ZNF155: variants seen among roughly 807,000 people sequenced by gnomAD.
ZNF155 encodes the protein KRAB A domain.
Under a neutral mutation model 11.9 loss-of-function variants are expected in ZNF155, and 15 were observed. That is an observed-to-expected ratio of 1.26 (90% CI 0.84 to 1.94). The LOEUF (loss-of-function observed/expected upper bound fraction) is 1.94. Ranked by LOEUF, ZNF155 falls within the 30% of genes most tolerant of loss-of-function variation. ZNF155 has a pLI of 0.00. For missense variants in ZNF155, 602 were observed against 639.1 expected, an observed-to-expected ratio of 0.94 and a Z score of 0.63; for synonymous variants, 212 against 219.9, an observed-to-expected ratio of 0.96 and a Z score of 0.32.
In ZNF155 at chr19:43,984,191, G is replaced by T. The variant is rs1279456622; in HGVS notation, c.-140G>T. On this transcript the variant is annotated 5_prime_UTR_variant, in exon 1 of 5. Coordinates refer to ENST00000270014, the MANE Select transcript of ZNF155 (RefSeq NM_198089.3). ...TAGTCCAGACGCCTGTGGCATCATC[G>T]ACACTTCCGGTCTCCGAGCAGGACA... The T allele has an allele frequency of 6.6e-6, 1 of 152,076 alleles. No homozygotes were observed. The highest frequency in any genetic ancestry group is 2.0e-4 in the East Asian group (1 of 5,092). The allele number at this position is 152,076 out of a possible 1,614,324, so 9.4% of individuals were successfully genotyped here.
At position 43,997,323 on chromosome 19, in the gene ZNF155, G is replaced by T. The variant is rs1354435491; in HGVS notation, c.1466G>T (p.Cys489Phe). 2 of 1,614,066 alleles carry T rather than the reference G, an allele frequency of 1.2e-6. No homozygotes were observed. The highest frequency in any genetic ancestry group is 1.7e-6 in the Non-Finnish European group (2 of 1,180,036). The stretch of plus-strand genomic sequence containing the variant: ...AAAAAACCATTCAAATGTGAGGACT[G>T]TGGAAAGAGGCTTGTACACAGGACA... ...CQKKPFKCED[C>F]GKRLVHRTYR... The change falls in exon 5 of 5, where the codon TGT becomes TTT. Residue 489 changes from cysteine (C) to phenylalanine (F), a missense_variant. By Grantham distance (205) the Cys-to-Phe change is radical. Transcript: ENST00000270014.
intron 2 of ZNF155, among the ~76,000 whole-genome samples, chr19:43,989,646 G>A (rs2147381302): frequency 6.6e-6 from 1 of 152,250 alleles, no homozygotes. Flanking sequence ...GCTCCTCCCT[G>A]TCCCTACTTG....
intron 4 of ZNF155, among the ~76,000 whole-genome samples, chr19:43,995,098 G>A (rs539873745): frequency 6.6e-6 from 1 of 151,012 alleles, no homozygotes; most frequent in East Asian, 2.0e-4. Context: ...CCTCTTTTTG[G>A]TTAGGTTAAC....
Position 43,997,375 on chromosome 19 carries a change from T to C in ZNF155, c.1518T>C (p.Tyr506=), listed in dbSNP as rs753334756. 3 of 1,613,636 alleles carry C rather than the reference T, an allele frequency of 1.9e-6. No homozygotes were observed. Among genetic ancestry groups the C allele is most frequent in the Non-Finnish European group, 2.5e-6 (3 of 1,179,734 alleles). ...ACCGTAAAGACCAGCCGAGAGACTA[T>C]AGTGGGGAAAACCCATCCAAATGTG... The part of the protein sequence containing the change: ...RTYRKDQPRD[Y]SGENPSKCED... The change falls in exon 5 of 5, where the codon TAT becomes TAC. Residue 506 remains tyrosine (Y), a synonymous_variant. Transcript: ENST00000270014.
rs1387813367 is a variant in ZNF155, at chr19:43,996,075, A to G, written c.236-18A>G. The G allele has an allele frequency of 1.3e-6, 2 of 1,577,420 alleles. No homozygotes were observed. Among genetic ancestry groups the G allele is most frequent in the African/African-American group, 2.7e-5 (2 of 73,856 alleles). The stretch of plus-strand genomic sequence containing the variant: ...AAGGCTTCACCTGTACACATCTCTT[A>G]AATCTGTGTCTTTATAGGAGGCAAG... On this transcript the variant is annotated intron_variant, in intron 4 of 4. Coordinates refer to ENST00000270014, the MANE Select transcript of ZNF155 (RefSeq NM_198089.3).
At chr19:43,993,449 C>T (rs889013022) in intron 4 of ZNF155, among the ~76,000 whole-genome samples, 4 of 152,066 alleles carry the variant, frequency 2.6e-5, no homozygotes, top group African/African-American at 7.2e-5. Flanking sequence ...CAGTTTCGCT[C>T]GTCACCCAGC....
intron 1 of ZNF155, among the ~76,000 whole-genome samples, chr19:43,985,026 T>TA (rs996636617): frequency 5.3e-5 from 8 of 152,068 alleles, no homozygotes; most frequent in Admixed American, 1.3e-4. Flanking sequence ...TTTCTCTTTT[T>TA]AAAAAAAAGT....
Position 43,986,727 on chromosome 19 carries a change from G to C in ZNF155, c.-85-1732G>C, listed in dbSNP as rs368178573. 3.0e-4 allele frequency among the ~76,000 whole-genome samples: 46 copies of C among 152,246 alleles called. No homozygotes were observed. In the East Asian group the frequency reaches 7.0e-3, roughly 23 times the overall value. ...GCCTCCCAAAGTGCTGAGATTACAG[G>C]TGTGAGCCACGGCGCCCAGCCCCCA... is the stretch of plus-strand genomic sequence containing the variant. On this transcript the variant is annotated intron_variant, in intron 1 of 4. Transcript: ENST00000270014.
In ZNF155 at chr19:43,996,347, G is replaced by A; in HGVS notation, c.490G>A (p.Asp164Asn). ...GTCCATCAGTGATGTTCCCATCTTT[G>A]ATCTTCCTCAGCAGTTATACTCAGA... is the stretch of plus-strand genomic sequence containing the variant. Reference protein sequence around the residue: ...KQSISDVPIFDLPQQLYSEEK... With the variant: ...KQSISDVPIFNLPQQLYSEEK... The change falls in exon 5 of 5, where the codon GAT becomes AAT. Residue 164 changes from aspartate to asparagine, a missense_variant. Physicochemically the swap from Asp to Asn is conservative, Grantham distance 23 (BLOSUM62 1). Transcript: ENST00000270014. 1 of 1,614,156 alleles carries A rather than the reference G, an allele frequency of 6.2e-7. No individual in the cohort carries two copies. The highest frequency in any genetic ancestry group is 8.5e-7 in the Non-Finnish European group (1 of 1,180,034).
rs756524005 is a variant in ZNF155, at chr19:43,996,735, G to A, written c.878G>A (p.Cys293Tyr). The change falls in exon 5 of 5, where the codon TGT becomes TAT. Residue 293 changes from cysteine (C) to tyrosine (Y), a missense_variant. Physicochemically the swap from Cys to Tyr is radical, Grantham distance 194 (BLOSUM62 -2). Transcript: ENST00000270014. Reference sequence around the variant, plus strand: ...GAGAAACCATTCAAATGTGATATATGTGGTAAGACCTTCTATTTTAGGTCA... The same window carrying A: ...GAGAAACCATTCAAATGTGATATATATGGTAAGACCTTCTATTTTAGGTCA... Reference protein sequence around the residue: ...TGEKPFKCDICGKTFYFRSRL... With the variant: ...TGEKPFKCDIYGKTFYFRSRL... 2.0e-5 allele frequency: 33 copies of A among 1,614,042 alleles called. No homozygotes were observed. The highest frequency in any genetic ancestry group is 7.6e-6 in the Non-Finnish European group (9 of 1,180,026).
At position 43,996,997 on chromosome 19, in the gene ZNF155, C is replaced by T. The variant is rs375712721; in HGVS notation, c.1140C>T (p.Ser380=). 7.4e-6 allele frequency: 12 copies of T among 1,614,000 alleles called. No individual in the cohort carries two copies. The African/African-American group carries it at 1.5e-4, about 20-fold the overall frequency. Reference sequence around the variant, plus strand: ...ATAATTGTAAAGAATGTGGGAAGAGCTTCAGATGGTCCTCATGCCTTTTGA... The same window carrying T: ...ATAATTGTAAAGAATGTGGGAAGAGTTTCAGATGGTCCTCATGCCTTTTGA... ...KPYNCKECGK[S]FRWSSCLLNH... The change falls in exon 5 of 5, where the codon AGC becomes AGT. Residue 380 remains serine, a synonymous_variant. Transcript: ENST00000270014.
chr19:43,989,996 T>C lies in ZNF155; in HGVS notation c.15+1438T>C, dbSNP rs1042311480. ...TCATTTGTAATCAAATAAGTGAGAATAATAGAATGATTTGTTCCCCAAATC... is the reference window on the plus strand; with the variant it reads ...TCATTTGTAATCAAATAAGTGAGAACAATAGAATGATTTGTTCCCCAAATC... On this transcript the variant is annotated intron_variant, in intron 2 of 4. Transcript: ENST00000270014. 4.4e-5 allele frequency: 60 copies of C among 1,371,752 alleles called. No homozygotes were observed. In the South Asian group the frequency reaches 8.8e-4, roughly 20 times the overall value. The allele number at this position is 1,371,752 out of a possible 1,614,324, so 85.0% of individuals were successfully genotyped here. A position where few individuals can be genotyped will look rare whatever the true frequency, so the allele number is the denominator to read the frequency against.
chr19:43,987,818 A>T (rs1975514701), intron 1 of ZNF155, among the ~76,000 whole-genome samples: 1 of 152,194 alleles, frequency 6.6e-6, no homozygotes, highest in Non-Finnish European at 1.5e-5. Flanking sequence ...GTAAACTAAC[A>T]ATTATTTTTC....
chr19:43,996,661 C>T lies in ZNF155; in HGVS notation c.804C>T (p.Ala268=). ...ACATTTGTGAGGCATGTGGGAAGGCCTTCATTCATGATTCCCAGCTTAAGG... is the reference window on the plus strand; with the variant it reads ...ACATTTGTGAGGCATGTGGGAAGGCTTTCATTCATGATTCCCAGCTTAAGG... The part of the protein sequence containing the change: ...KPYICEACGK[A]FIHDSQLKEH... The change falls in exon 5 of 5, where the codon GCC becomes GCT. Residue 268 remains alanine, a synonymous_variant. Transcript: ENST00000270014. 2 of 1,614,014 alleles carry T rather than the reference C, an allele frequency of 1.2e-6. No homozygotes were observed. The highest frequency in any genetic ancestry group is 1.7e-6 in the Non-Finnish European group (2 of 1,179,982).
intron 4 of ZNF155, among the ~76,000 whole-genome samples, chr19:43,992,574 G>C (rs1975704618): frequency 6.6e-6 from 1 of 152,186 alleles, no homozygotes; most frequent in Non-Finnish European, 1.5e-5. Context: ...TTCGAAGGCA[G>C]CTACTTTGCA....
rs1599847429 is a variant in ZNF155 at position 43,997,650 on chromosome 19, A to C, written c.*176A>C. ...GACAGCAAGGGAAGGGTCCCTGGAG[A>C]CCCCCAGCCAAACGGGTCAGTGTCT... On this transcript the variant is annotated 3_prime_UTR_variant, in exon 5 of 5. Coordinates refer to ENST00000270014, the MANE Select transcript of ZNF155 (RefSeq NM_198089.3). 1.6e-6 allele frequency: 1 copy of C among 637,304 alleles called. No individual in the cohort carries two copies. Among genetic ancestry groups the C allele is most frequent in the Non-Finnish European group, 2.6e-6 (1 of 388,882 alleles). The allele number at this position is 637,304 out of a possible 1,614,324, so 39.5% of individuals were successfully genotyped here. A position where few individuals can be genotyped will look rare whatever the true frequency, so the allele number is the denominator to read the frequency against.
intron 2 of ZNF155, chr19:43,989,912 A>G (rs892025466): frequency 3.3e-6 from 2 of 601,754 alleles, no homozygotes; most frequent in Non-Finnish European, 5.2e-6. Context: ...AAAGGACACT[A>G]AAAGGCCAAT....
At chr19:43,989,728 G>A (rs1356970828) in intron 2 of ZNF155, among the ~76,000 whole-genome samples, 2 of 152,172 alleles carry the variant, frequency 1.3e-5, no homozygotes, top group Non-Finnish European at 2.9e-5. Context: ...GATTACCATA[G>A]TTGTTATAGA....
Position 43,997,701 on chromosome 19 carries a change from C to T in ZNF155, c.*227C>T, listed in dbSNP as rs1975957692. On this transcript the variant is annotated 3_prime_UTR_variant, in exon 5 of 5. Transcript: ENST00000270014. ...CATCCCCACATAACACAAAAAGCAG[C>T]CTGGGGAAGACAATCAAGCTACAGG... 1 of 465,720 alleles carries T rather than the reference C, an allele frequency of 2.1e-6. No individual in the cohort carries two copies. Among genetic ancestry groups the T allele is most frequent in the South Asian group, 3.0e-5 (1 of 33,718 alleles). 28.8% of individuals were successfully genotyped at this position (465,720 alleles called of 1,614,324 possible). A position where few individuals can be genotyped will look rare whatever the true frequency, so the allele number is the denominator to read the frequency against.
Sources: gnomAD v4.1 joint callset for allele counts (sites outside exome capture counted in the v4.1 genomes callset) on GRCh38, gnomAD v4.1.1 for gene constraint, MANE v1.5 for transcripts, NCBI Gene and HGNC (gene_info 2026-07-23, HGNC 2026-07-21) for gene names.